KIAA1328: variants seen among roughly 807,000 people sequenced by gnomAD.
KIAA1328 encodes the protein KIAA1328, also known as protein hinderin.
Under a neutral mutation model 68.1 loss-of-function variants are expected in KIAA1328, and 52 were observed. The ratio of observed to expected loss-of-function variants is 0.76; its 90% CI spans 0.61 to 0.96. The LOEUF is 0.96. Ranked by LOEUF, KIAA1328 falls within the 40% of genes least tolerant of loss-of-function variation. The pLI is 0.00. For synonymous variants in KIAA1328, 232 were observed against 239.4 expected (o/e 0.97, Z 0.28); for missense variants, 641 against 677.6 (o/e 0.95, Z 0.60).
At chr18:37,152,116 AAC>A (rs1491153790) in intron 7 of KIAA1328, among the ~76,000 whole-genome samples, 1 of 151,672 alleles carries the variant, frequency 6.6e-6, no homozygotes, top group Non-Finnish European at 1.5e-5. Flanking sequence ...AAAAAAAAAA[AAC>A]AGATTAGCAA....
At chr18:37,072,474 G>T (rs2151755524) in intron 7 of KIAA1328, among the ~76,000 whole-genome samples, 1 of 151,944 alleles carries the variant, frequency 6.6e-6, no homozygotes, top group South Asian at 2.1e-4. Flanking sequence ...TCTTGACATG[G>T]ATTTCTTTAT....
intron 6 of KIAA1328, among the ~76,000 whole-genome samples, chr18:37,026,095 C>G (rs1412180904): frequency 6.6e-6 from 1 of 152,208 alleles, no homozygotes; most frequent in Non-Finnish European, 1.5e-5. Flanking sequence ...CTATAAACAA[C>G]TGTATGCAAA....
At chr18:37,079,868 C>T (rs2056888319) in intron 7 of KIAA1328, among the ~76,000 whole-genome samples, 1 of 129,820 alleles carries the variant, frequency 7.7e-6, no homozygotes. Context: ...GCCTCGGTGA[C>T]AGAGCAAGGC....
rs58707237 is a variant in KIAA1328 at position 36,883,952 on chromosome 18, G to GTATATA, written c.333-1592_333-1587dup. On this transcript the variant is annotated intron_variant, in intron 4 of 9. Transcript: ENST00000280020. Reference sequence around the variant, plus strand: ...TACAAATGCTTTCCATATTTATAAAGTATATATATATATATATACACACAC... The same window carrying GTATATA: ...TACAAATGCTTTCCATATTTATAAAGTATATATATATATATATATATATACACACAC... 2.8e-3 allele frequency among the ~76,000 whole-genome samples: 335 copies of GTATATA among 120,812 alleles called. 24 individuals are homozygous for GTATATA. The highest frequency in any genetic ancestry group is 0.01 in the African/African-American group (307 of 30,360). 79.3% of individuals were successfully genotyped at this position (120,812 alleles called of 152,430 possible). A position where few individuals can be genotyped will look rare whatever the true frequency, so the allele number is the denominator to read the frequency against.
chr18:36,897,713 G>A (rs1412255752), intron 5 of KIAA1328, among the ~76,000 whole-genome samples: 2 of 152,028 alleles, frequency 1.3e-5, no homozygotes, highest in East Asian at 1.9e-4. Context: ...AAAACCACAA[G>A]GACTAGTTCA....
chr18:36,897,894 T>C (rs928607287), intron 5 of KIAA1328, among the ~76,000 whole-genome samples: 6 of 152,070 alleles, frequency 3.9e-5, no homozygotes, highest in African/African-American at 1.4e-4. Flanking sequence ...CCCCCACTTA[T>C]TAAATTTAAA....
chr18:36,946,783 G>T (rs2039435203), intron 5 of KIAA1328, among the ~76,000 whole-genome samples: 1 of 152,082 alleles, frequency 6.6e-6, no homozygotes, highest in Non-Finnish European at 1.5e-5. Context: ...AGATACTGTG[G>T]TTCAGGCATC....
intron 4 of KIAA1328, among the ~76,000 whole-genome samples, chr18:36,862,469 G>T (rs2047595469): frequency 6.6e-6 from 1 of 152,102 alleles, no homozygotes; most frequent in African/African-American, 2.4e-5. Flanking sequence ...TTTTGTGACT[G>T]ACTTCTTTTT....
chr18:37,072,169 T>A (rs770494967), intron 7 of KIAA1328, among the ~76,000 whole-genome samples: 1 of 152,146 alleles, frequency 6.6e-6, no homozygotes, highest in African/African-American at 2.4e-5. Flanking sequence ...TTGTTTTGTT[T>A]TTAGATCTCT....
intron 9 of KIAA1328, among the ~76,000 whole-genome samples, chr18:37,204,735 AAC>A (rs773454025): frequency 4.7e-5 from 7 of 149,966 alleles, no homozygotes; most frequent in Non-Finnish European, 7.4e-5. Flanking sequence ...AGAGAGACCA[AAC>A]ACATAATTAA....
At chr18:36,912,443 G>T (rs931417786) in intron 5 of KIAA1328, among the ~76,000 whole-genome samples, 2 of 152,144 alleles carry the variant, frequency 1.3e-5, no homozygotes, top group African/African-American at 4.8e-5. Flanking sequence ...AAGGACTCCT[G>T]TAATTACATT....
intron 3 of KIAA1328, among the ~76,000 whole-genome samples, chr18:36,836,746 T>G (rs1047797932): frequency 6.6e-6 from 1 of 152,126 alleles, no homozygotes; most frequent in African/African-American, 2.4e-5. Context: ...CGAAACATTT[T>G]TATCACTCTA....
intron 7 of KIAA1328, among the ~76,000 whole-genome samples, chr18:37,141,245 G>T (rs2058758086): frequency 6.6e-6 from 1 of 152,090 alleles, no homozygotes; most frequent in Non-Finnish European, 1.5e-5. Context: ...ACTTTTTGAT[G>T]AGTTTCCCTC....
In KIAA1328 at chr18:37,193,075, G is replaced by T. The variant is rs538852708; in HGVS notation, c.1523+19994G>T. Among the ~76,000 whole-genome samples the T allele has an allele frequency of 1.0e-3, 152 of 152,086 alleles. 2 individuals carry two copies. Among genetic ancestry groups the T allele is most frequent in the African/African-American group, 3.6e-3 (150 of 41,502 alleles). ...ATAGTCTTTCACCAAACCTCCCAAA[G>T]AACAACAAAAAAGCCAAGAGCAAGC... On this transcript the variant is annotated intron_variant, in intron 9 of 9. Coordinates refer to ENST00000280020, the MANE Select transcript of KIAA1328 (RefSeq NM_020776.3).
chr18:37,060,197 G>C (rs918564777), intron 6 of KIAA1328, among the ~76,000 whole-genome samples: 4 of 152,100 alleles, frequency 2.6e-5, no homozygotes, highest in Non-Finnish European at 5.9e-5. Context: ...ATGACAGGCT[G>C]TTCTTGGAAA....
In KIAA1328 at chr18:36,959,417, T is replaced by C. The variant is rs1282177969; in HGVS notation, c.558T>C (p.Ala186=). Residue 186 remains alanine (A), a synonymous_variant, in exon 6 of 10, where the codon GCT becomes GCC. Transcript: ENST00000280020. ...LTMSLSELGA[A]RMQEQQVSSR... Reference sequence around the variant, plus strand: ...TGTCTCTCTCAGAACTTGGTGCTGCTAGAATGCAGGAACAGCAGGTAAGCA... The same window carrying C: ...TGTCTCTCTCAGAACTTGGTGCTGCCAGAATGCAGGAACAGCAGGTAAGCA... The C allele has an allele frequency of 6.2e-7, 1 of 1,609,526 alleles. No individual in the cohort carries two copies. Among genetic ancestry groups the C allele is most frequent in the South Asian group, 1.1e-5 (1 of 89,614 alleles).
chr18:36,925,279 A>G (rs1205731877), intron 5 of KIAA1328, among the ~76,000 whole-genome samples: 1 of 152,172 alleles, frequency 6.6e-6, no homozygotes, highest in Non-Finnish European at 1.5e-5. Flanking sequence ...GCAGAATACT[A>G]CGGATTCTGG....
chr18:36,854,935 T>TTC (rs1314036590), intron 4 of KIAA1328, among the ~76,000 whole-genome samples: 1 of 152,208 alleles, frequency 6.6e-6, no homozygotes, highest in Non-Finnish European at 1.5e-5. Flanking sequence ...GTGTTTGGCT[T>TTC]CTTTCACAAT....
At chr18:36,956,139 A>C (rs1475722705) in intron 5 of KIAA1328, among the ~76,000 whole-genome samples, 1 of 152,178 alleles carries the variant, frequency 6.6e-6, no homozygotes, top group African/African-American at 2.4e-5. Context: ...GCTTTACTAC[A>C]TGATTATTTT....
Sources: allele counts gnomAD v4.1 joint callset (sites outside exome capture counted in the v4.1 genomes callset), GRCh38; gene constraint gnomAD v4.1.1; transcripts MANE v1.5; gene names NCBI Gene and HGNC (gene_info 2026-07-23, HGNC 2026-07-21).